Variants in UHMK1 observed in about 807,000 individuals in gnomAD.
UHMK1 encodes U2AF homology motif kinase 1.
Under a neutral mutation model 44.0 loss-of-function variants are expected in UHMK1, and 18 were observed. The ratio of observed to expected loss-of-function variants is 0.41; its 90% CI spans 0.28 to 0.61. UHMK1 has a LOEUF of 0.61. Among genes scored for constraint, UHMK1 ranks in the 20% least tolerant of loss-of-function variants. The pLI, the probability that UHMK1 is intolerant of heterozygous loss-of-function variation, is 0.31. For synonymous variants in UHMK1, 231 were observed against 198.5 expected (o/e 1.16, Z -1.38); for missense variants, 463 against 522.5 (o/e 0.89, Z 1.11).
chr1:162,516,216 G>A (rs1196723517), intron 6 of UHMK1, among the ~76,000 whole-genome samples: 2 of 152,138 alleles, frequency 1.3e-5, no homozygotes, highest in Non-Finnish European at 2.9e-5. Flanking sequence ...GTGAACCAAA[G>A]TGCAGCAGAC....
In UHMK1 at chr1:162,528,227, A is replaced by G. The variant is rs1414018533; in HGVS notation, c.*5677A>G. The stretch of plus-strand genomic sequence containing the variant: ...AGCTTGGGTTGTCAGAAGATTGCCA[A>G]TTTTAAGAGTAAAGAGGAGAGAGAT... On this transcript the variant is annotated 3_prime_UTR_variant, in exon 8 of 8. Transcript: ENST00000489294. 6.6e-6 allele frequency: 1 copy of G among 152,018 alleles called. No individual in the cohort carries two copies. The highest frequency in any genetic ancestry group is 1.5e-5 in the Non-Finnish European group (1 of 67,918). 9.4% of individuals were successfully genotyped at this position (152,018 alleles called of 1,614,324 possible).
intron 3 of UHMK1, among the ~76,000 whole-genome samples, chr1:162,501,826 A>T (rs1264589474): frequency 6.6e-6 from 1 of 151,500 alleles, no homozygotes; most frequent in Non-Finnish European, 1.5e-5. Flanking sequence ...GGTGGCTCAC[A>T]CCTGTAATCC....
intron 3 of UHMK1, among the ~76,000 whole-genome samples, chr1:162,503,501 C>T (rs915078039): frequency 3.3e-5 from 5 of 151,266 alleles, no homozygotes; most frequent in African/African-American, 9.7e-5. Flanking sequence ...TTTCCAGCTA[C>T]GCAGGAGGCT....
At chr1:162,504,184 C>T (rs1229893633) in intron 4 of UHMK1, among the ~76,000 whole-genome samples, 1 of 152,018 alleles carries the variant, frequency 6.6e-6, no homozygotes, top group Admixed American at 6.6e-5. Flanking sequence ...CTCCCCTCCC[C>T]CCAAAAAAAG....
chr1:162,510,310 ATTCT>A (rs1456162059), intron 4 of UHMK1, among the ~76,000 whole-genome samples: 1 of 152,142 alleles, frequency 6.6e-6, no homozygotes, highest in Non-Finnish European at 1.5e-5. Context: ...TCTTGAACTT[ATTCT>A]TTCTATCTAA....
chr1:162,523,584 T>C lies in UHMK1; in HGVS notation c.*1034T>C, dbSNP rs1401225008. 6.6e-6 allele frequency: 1 copy of C among 152,564 alleles called. No individual in the cohort carries two copies. The highest frequency in any genetic ancestry group is 1.5e-5 in the Non-Finnish European group (1 of 68,034). 9.5% of individuals were successfully genotyped at this position (152,564 alleles called of 1,614,324 possible). ...TTTCTCAAGATGTGGCTCTACCTAC[T>C]ATGATGAAAATTGAAGTGGGTCAAA... On this transcript the variant is annotated 3_prime_UTR_variant, in exon 8 of 8. Transcript: ENST00000489294.
intron 6 of UHMK1, among the ~76,000 whole-genome samples, chr1:162,517,726 CAT>C (rs889654494): frequency 2.6e-5 from 4 of 151,746 alleles, no homozygotes; most frequent in African/African-American, 9.7e-5. Context: ...CTCTACTAAA[CAT>C]ACAAAAATTA....
Position 162,497,937 on chromosome 1 carries a change from G to A in UHMK1, c.-64G>A. 2 of 1,432,374 alleles carry A rather than the reference G, an allele frequency of 1.4e-6. No individual in the cohort carries two copies. Among genetic ancestry groups the A allele is most frequent in the Non-Finnish European group, 1.8e-6 (2 of 1,095,190 alleles). 88.7% of individuals were successfully genotyped at this position (1,432,374 alleles called of 1,614,324 possible). ...GTCCGGCTGGCGGAGATGTGACCGCGGGCCCGGCCGGCCTGCCTCAGGCGT... is the reference window on the plus strand; with the variant it reads ...GTCCGGCTGGCGGAGATGTGACCGCAGGCCCGGCCGGCCTGCCTCAGGCGT... On this transcript the variant is annotated 5_prime_UTR_variant, in exon 1 of 8. Coordinates refer to ENST00000489294, the MANE Select transcript of UHMK1 (RefSeq NM_175866.5).
rs1295277626 is a variant in UHMK1 at position 162,527,282 on chromosome 1, A to C, written c.*4732A>C. ...TTTTAAATTATATAATGACCAGTAG[A>C]TTCACAGTAGCATGTACTTGACAAG... is the stretch of plus-strand genomic sequence containing the variant. On this transcript the variant is annotated 3_prime_UTR_variant, in exon 8 of 8. Coordinates refer to ENST00000489294, the MANE Select transcript of UHMK1 (RefSeq NM_175866.5). The C allele has an allele frequency of 6.6e-6, 1 of 152,032 alleles. No individual in the cohort carries two copies. The highest frequency in any genetic ancestry group is 1.5e-5 in the Non-Finnish European group (1 of 67,930). The allele number at this position is 152,032 out of a possible 1,614,324, so 9.4% of individuals were successfully genotyped here. A position where few individuals can be genotyped will look rare whatever the true frequency, so the allele number is the denominator to read the frequency against.
intron 6 of UHMK1, among the ~76,000 whole-genome samples, chr1:162,514,778 A>G: frequency 6.6e-6 from 1 of 152,188 alleles, no homozygotes; most frequent in Non-Finnish European, 1.5e-5. Context: ...TAAAAGAGAA[A>G]AAGCAGACCT....
rs993819454 is a variant in UHMK1 at position 162,524,504 on chromosome 1, T to G, written c.*1954T>G. On this transcript the variant is annotated 3_prime_UTR_variant, in exon 8 of 8. Coordinates refer to ENST00000489294, the MANE Select transcript of UHMK1 (RefSeq NM_175866.5). ...CGTATTGTGAAGACCTAAACTTTCCTAAATGTTCATATGGGTAGCAGATTT... is the reference window on the plus strand; with the variant it reads ...CGTATTGTGAAGACCTAAACTTTCCGAAATGTTCATATGGGTAGCAGATTT... The G allele has an allele frequency of 6.6e-5, 10 of 152,232 alleles. No homozygotes were observed. The highest frequency in any genetic ancestry group is 5.9e-4 in the Admixed American group (9 of 15,274). 9.4% of individuals were successfully genotyped at this position (152,232 alleles called of 1,614,324 possible).
rs1354405234 is a variant in UHMK1, at chr1:162,500,929, A to G, written c.578A>G (p.Gln193Arg). 6.2e-7 allele frequency: 1 copy of G among 1,613,828 alleles called. No individual in the cohort carries two copies. The highest frequency in any genetic ancestry group is 1.1e-5 in the South Asian group (1 of 91,060). Residue 193 changes from glutamine (Q) to arginine (R), a missense_variant, in exon 3 of 8, where the codon CAG (glutamine) becomes CGG (arginine). This residue lies in a region of UHMK1 where 264 missense variants were observed against 326.3 expected (regional missense o/e 0.81). Transcript: ENST00000489294. The stretch of plus-strand genomic sequence containing the variant: ...CTTTTTTAGGATGTAAAGTATATTC[A>G]GACAGACGGGTATCGGGCTCCAGAA... ...KEGNQDVKYI[Q>R]TDGYRAPEAE...
chr1:162,505,075 A>G (rs1366801893), intron 4 of UHMK1, among the ~76,000 whole-genome samples: 1 of 152,134 alleles, frequency 6.6e-6, no homozygotes, highest in Non-Finnish European at 1.5e-5. Context: ...GCTTCTGGCC[A>G]AAATTTTTTT....
chr1:162,499,793 A>G lies in UHMK1; in HGVS notation c.269-162A>G, dbSNP rs574038754. Reference sequence around the variant, plus strand: ...ATCTTATTTTTATTAAAATAACCCAATTGCCAAAAGATCTTATTCATGGGA... The same window carrying G: ...ATCTTATTTTTATTAAAATAACCCAGTTGCCAAAAGATCTTATTCATGGGA... On this transcript the variant is annotated intron_variant, in intron 1 of 7. Transcript: ENST00000489294. 4.2e-4 allele frequency among the ~76,000 whole-genome samples: 64 copies of G among 152,282 alleles called. No homozygotes were observed. In the South Asian group the frequency reaches 0.013, roughly 30 times the overall value.
chr1:162,515,926 C>T (rs1311598009), intron 6 of UHMK1, among the ~76,000 whole-genome samples: 1 of 151,638 alleles, frequency 6.6e-6, no homozygotes, highest in East Asian at 1.9e-4. Context: ...CCCAGCTACT[C>T]GGGAGGCTGA....
At chr1:162,508,594 C>A (rs1378496631) in intron 4 of UHMK1, among the ~76,000 whole-genome samples, 2 of 151,698 alleles carry the variant, frequency 1.3e-5, no homozygotes, top group Non-Finnish European at 2.9e-5. Flanking sequence ...CCCAGGTACT[C>A]TGGAGGCTGA....
Position 162,518,149 on chromosome 1 carries a change from G to A in UHMK1, c.1072G>A (p.Val358Ile), listed in dbSNP as rs770103168. Residue 358 changes from valine (V) to isoleucine (I), a missense_variant, in exon 7 of 8, where the codon GTA (valine) becomes ATA (isoleucine). This residue lies in a region of UHMK1 where 264 missense variants were observed against 326.3 expected (regional missense o/e 0.81). Transcript: ENST00000489294. ...GGAGTGTCAAAAATATGGACCAGTGGTATCTCTACTTGTTCCAAAGGAAAA... is the reference window on the plus strand; with the variant it reads ...GGAGTGTCAAAAATATGGACCAGTGATATCTCTACTTGTTCCAAAGGAAAA... ...KEECQKYGPV[V>I]SLLVPKENPG... 10 of 1,613,380 alleles carry A rather than the reference G, an allele frequency of 6.2e-6. No homozygotes were observed. Among genetic ancestry groups the A allele is most frequent in the Non-Finnish European group, 8.5e-6 (10 of 1,179,508 alleles).
rs1652284259 is a variant in UHMK1 at position 162,527,279 on chromosome 1, T to A, written c.*4729T>A. On this transcript the variant is annotated 3_prime_UTR_variant, in exon 8 of 8. Transcript: ENST00000489294. Reference sequence around the variant, plus strand: ...TATTTTTAAATTATATAATGACCAGTAGATTCACAGTAGCATGTACTTGAC... The same window carrying A: ...TATTTTTAAATTATATAATGACCAGAAGATTCACAGTAGCATGTACTTGAC... 1 of 152,032 alleles carries A rather than the reference T, an allele frequency of 6.6e-6. No homozygotes were observed. The allele number at this position is 152,032 out of a possible 1,614,324, so 9.4% of individuals were successfully genotyped here.
Position 162,500,093 on chromosome 1 carries a change from A to G in UHMK1, c.407A>G (p.Gln136Arg). The G allele has an allele frequency of 3.7e-6, 6 of 1,614,196 alleles. No individual in the cohort carries two copies. Among genetic ancestry groups the G allele is most frequent in the Non-Finnish European group, 5.1e-6 (6 of 1,180,048 alleles). ...CAGGGTTGTTCCATGTGGATGATACAGCATTGTGCCCGAGATGTTTTGGAG... is the reference window on the plus strand; with the variant it reads ...CAGGGTTGTTCCATGTGGATGATACGGCATTGTGCCCGAGATGTTTTGGAG... ...SHQGCSMWMIQHCARDVLEAL... is the reference protein window; with the variant it reads ...SHQGCSMWMIRHCARDVLEAL... Residue 136 changes from glutamine to arginine, a missense_variant, in exon 2 of 8, where the codon CAG (glutamine) becomes CGG (arginine). By Grantham distance (43) the Gln-to-Arg change is conservative. Around this residue, in one of 3 missense-constraint regions of UHMK1, gnomAD observed 264 missense variants for 326.3 expected, o/e 0.81. Transcript: ENST00000489294.
Sources: gnomAD v4.1 joint callset for allele counts (sites outside exome capture counted in the v4.1 genomes callset) on GRCh38, gnomAD v4.1.1 for gene constraint, gnomAD v4.1.1 regional missense constraint, MANE v1.5 for transcripts, NCBI Gene and HGNC (gene_info 2026-07-23, HGNC 2026-07-21) for gene names.